RBFOX1: variants seen among roughly 807,000 people sequenced by gnomAD.
RBFOX1 encodes the protein RNA binding fox-1 homolog 1.
In RBFOX1, 8 loss-of-function variants were observed where a neutral mutation model predicts 57.7. The observed-to-expected ratio is 0.14, with a 90% CI of 0.08 to 0.25. The LOEUF is 0.25. RBFOX1 is among the 10% of genes least tolerant of loss of function. The pLI is 1.00. For missense variants in RBFOX1, 611 were observed against 548.5 expected, an observed-to-expected ratio of 1.11 and a Z score of -1.14; for synonymous variants, 326 against 222.4, an observed-to-expected ratio of 1.47 and a Z score of -4.15.
chr16:5,999,200 C>A (rs1390681634), intron 4 of RBFOX1, among the ~76,000 whole-genome samples: 1 of 152,168 alleles, frequency 6.6e-6, no homozygotes, highest in African/African-American at 2.4e-5. Flanking sequence ...CACTGCCTTT[C>A]CATTATTTAC....
chr16:5,472,980 A>T (rs534458299), intron 2 of RBFOX1, among the ~76,000 whole-genome samples: 2 of 152,158 alleles, frequency 1.3e-5, no homozygotes, highest in East Asian at 3.9e-4. Flanking sequence ...ACAGTCTGAC[A>T]CTGACACCAG....
intron 1 of RBFOX1, among the ~76,000 whole-genome samples, chr16:6,154,088 C>G (rs185905239): frequency 5.3e-5 from 8 of 152,288 alleles, no homozygotes; most frequent in African/African-American, 1.9e-4. Flanking sequence ...GTGATTCACA[C>G]AGGAAGGGTT....
At chr16:5,990,286 C>A (rs780457180) in intron 4 of RBFOX1, among the ~76,000 whole-genome samples, 10 of 152,118 alleles carry the variant, frequency 6.6e-5, no homozygotes, top group Non-Finnish European at 1.3e-4. Context: ...CCCACTGTAC[C>A]CAGCCCATAA....
intron 3 of RBFOX1, among the ~76,000 whole-genome samples, chr16:5,777,220 G>T (rs1462360303): frequency 6.6e-6 from 1 of 152,146 alleles, no homozygotes; most frequent in African/African-American, 2.4e-5. Flanking sequence ...GCCTTTTCCA[G>T]CTGCAAGAGG....
intron 4 of RBFOX1, among the ~76,000 whole-genome samples, chr16:6,010,997 A>G (rs993785855): frequency 4.6e-5 from 7 of 152,196 alleles, no homozygotes; most frequent in African/African-American, 1.7e-4. Context: ...CCCACCAGTA[A>G]CCACTGCAAA....
At chr16:5,680,851 A>G (rs2050309983) in intron 3 of RBFOX1, among the ~76,000 whole-genome samples, 1 of 152,034 alleles carries the variant, frequency 6.6e-6, no homozygotes, top group Non-Finnish European at 1.5e-5. Flanking sequence ...ACATAGAGTA[A>G]TGAACAAGAC....
rs536649578 is a variant in RBFOX1 at position 6,436,344 on chromosome 16, A to G, written c.-64+119287A>G. 3.9e-5 allele frequency among the ~76,000 whole-genome samples: 6 copies of G among 152,258 alleles called. No homozygotes were observed. The East Asian group carries it at 1.2e-3, about 29-fold the overall frequency. Reference sequence around the variant, plus strand: ...CTCTGTTAGTATATTTTATACCACCAATAGCCATAAGCACATAAATACCTG... The same window carrying G: ...CTCTGTTAGTATATTTTATACCACCGATAGCCATAAGCACATAAATACCTG... On this transcript the variant is annotated intron_variant, in intron 2 of 15. Transcript: ENST00000550418.
At chr16:6,252,909 A>G (rs559193442) in intron 1 of RBFOX1, among the ~76,000 whole-genome samples, 8 of 152,278 alleles carry the variant, frequency 5.3e-5, no homozygotes, top group African/African-American at 1.9e-4. Flanking sequence ...TTGTTCAAGA[A>G]CAACAATGTA....
At chr16:6,348,587 C>G (rs946391102) in intron 2 of RBFOX1, among the ~76,000 whole-genome samples, 3 of 152,102 alleles carry the variant, frequency 2.0e-5, no homozygotes, top group African/African-American at 7.2e-5. Flanking sequence ...GGAAAGATGG[C>G]AGAATCTGCA....
chr16:6,488,419 C>G (rs780927684), intron 2 of RBFOX1, among the ~76,000 whole-genome samples: 15 of 152,188 alleles, frequency 9.9e-5, no homozygotes, highest in Admixed American at 3.9e-4. Flanking sequence ...ATGCCGATTT[C>G]TTCCCGGGCA....
At chr16:7,366,603 A>G (rs1044095198) in intron 4 of RBFOX1, among the ~76,000 whole-genome samples, 5 of 151,060 alleles carry the variant, frequency 3.3e-5, no homozygotes, top group African/African-American at 1.2e-4. Context: ...GTTGGAATGT[A>G]TTTGAAACTC....
At chr16:5,885,243 C>T (rs181974125) in intron 4 of RBFOX1, among the ~76,000 whole-genome samples, 1 of 149,334 alleles carries the variant, frequency 6.7e-6, no homozygotes, top group Admixed American at 6.7e-5. Flanking sequence ...TTTCATAAAT[C>T]ATTAAGGGAG....
chr16:5,841,719 T>A (rs1377851568), intron 3 of RBFOX1, among the ~76,000 whole-genome samples: 1 of 152,216 alleles, frequency 6.6e-6, no homozygotes, highest in Non-Finnish European at 1.5e-5. Flanking sequence ...CCATGGCCTG[T>A]AGAGGCCCAG....
At chr16:6,338,477 A>C (rs531484481) in intron 2 of RBFOX1, among the ~76,000 whole-genome samples, 3 of 152,338 alleles carry the variant, frequency 2.0e-5, no homozygotes, top group East Asian at 1.9e-4. Context: ...AGATGAGTTG[A>C]TCTTTATTAA....
At chr16:6,967,429 A>C (rs535731088) in intron 3 of RBFOX1, among the ~76,000 whole-genome samples, 1 of 152,298 alleles carries the variant, frequency 6.6e-6, no homozygotes, top group East Asian at 1.9e-4. Flanking sequence ...AGTTCCAAAA[A>C]GTAATGACAT....
At chr16:5,494,981 G>T (rs1188060473) in intron 2 of RBFOX1, among the ~76,000 whole-genome samples, 1 of 152,140 alleles carries the variant, frequency 6.6e-6, no homozygotes, top group East Asian at 1.9e-4. Flanking sequence ...AAAATCCCAG[G>T]CATCAGTTTT....
intron 2 of RBFOX1, among the ~76,000 whole-genome samples, chr16:6,607,889 C>T (rs12919170): frequency 6.6e-6 from 1 of 151,910 alleles, no homozygotes; most frequent in African/African-American, 2.4e-5. Context: ...GTCCACAAAC[C>T]TCCTTGTTTC....
intron 3 of RBFOX1, among the ~76,000 whole-genome samples, chr16:6,707,197 C>G (rs535508257): frequency 2.6e-5 from 4 of 152,108 alleles, no homozygotes; most frequent in Non-Finnish European, 4.4e-5. Flanking sequence ...GTCGTTTGAT[C>G]ATAGGAACAG....
chr16:6,679,878 G>GTTTTTTTTTTTTTTTT (rs71145274), intron 3 of RBFOX1, among the ~76,000 whole-genome samples: 11 of 114,298 alleles, frequency 9.6e-5, no homozygotes, highest in African/African-American at 1.9e-4. Flanking sequence ...GTTTCTACTT[G>GTTTTTTTTTTTTTTTT]TTTTTTTTTT....
Sources: gnomAD v4.1 joint callset for allele counts (sites outside exome capture counted in the v4.1 genomes callset) on GRCh38, gnomAD v4.1.1 for gene constraint, MANE v1.5 for transcripts, NCBI Gene and HGNC (gene_info 2026-07-23, HGNC 2026-07-21) for gene names.